RASGEF1A: variants seen among roughly 807,000 people sequenced by gnomAD.
RASGEF1A encodes RasGEF domain family member 1A, also known as ras-GEF domain-containing family member 1A.
Under a neutral mutation model 56.4 loss-of-function variants are expected in RASGEF1A, and 18 were observed. The observed-to-expected ratio is 0.32, with a 90% confidence interval of 0.22 to 0.47. The LOEUF (loss-of-function observed/expected upper bound fraction) is 0.47. RASGEF1A is among the 20% of genes least tolerant of loss of function. RASGEF1A has a pLI of 1.00. For missense variants in RASGEF1A, 422 were observed against 627.1 expected, an observed-to-expected ratio of 0.67 and a Z score of 3.49; for synonymous variants, 245 against 242.6, an observed-to-expected ratio of 1.01 and a Z score of -0.09.
intron 1 of RASGEF1A, among the ~76,000 whole-genome samples, chr10:43,262,559 G>C (rs1836549340): frequency 6.6e-6 from 1 of 152,250 alleles, no homozygotes; most frequent in Non-Finnish European, 1.5e-5. Flanking sequence ...GCACTTCCAT[G>C]CACCTCCCAC....
chr10:43,250,501 T>C (rs966923482), intron 1 of RASGEF1A, among the ~76,000 whole-genome samples: 6 of 152,212 alleles, frequency 3.9e-5, no homozygotes, highest in African/African-American at 1.4e-4. Flanking sequence ...TAGAAACAGA[T>C]TCCTGGGCTC....
At chr10:43,235,123 G>A (rs965449698) in intron 1 of RASGEF1A, among the ~76,000 whole-genome samples, 11 of 152,356 alleles carry the variant, frequency 7.2e-5, no homozygotes, top group Admixed American at 3.3e-4. Context: ...CCCTTTTGGA[G>A]AATAATATTC....
At position 43,196,283 on chromosome 10, in the gene RASGEF1A, G is replaced by A. The variant is rs367800733; in HGVS notation, c.1422-15C>T. ...GAAGGGTGGTCCTAGAGGGGGACAG[G>A]ACAAGCAGTGCTCAGGCCCGAGCAG... On this transcript the variant is annotated splice_polypyrimidine_tract_variant and intron_variant, in intron 12 of 12. Coordinates refer to ENST00000395810, the MANE Select transcript of RASGEF1A (RefSeq NM_145313.4). This position sits in a 1 kb window ranked among gnomAD's most constrained non-coding sequence, Gnocchi z 4.6. 6.2e-7 allele frequency: 1 copy of A among 1,613,354 alleles called. No individual in the cohort carries two copies. Among genetic ancestry groups the A allele is most frequent in the African/African-American group, 1.3e-5 (1 of 75,012 alleles).
chr10:43,238,141 G>A (rs1372550241), intron 1 of RASGEF1A, among the ~76,000 whole-genome samples: 1 of 152,048 alleles, frequency 6.6e-6, no homozygotes, highest in Non-Finnish European at 1.5e-5. Context: ...CTTCAGGAGG[G>A]TTTGCCATCA....
At chr10:43,262,121 T>C (rs1009683767) in intron 1 of RASGEF1A, among the ~76,000 whole-genome samples, 8 of 152,042 alleles carry the variant, frequency 5.3e-5, no homozygotes, top group African/African-American at 1.4e-4. Context: ...GAGAGCCCCA[T>C]GGGCAGAGAG....
At chr10:43,197,345 G>T (rs866363257) in intron 10 of RASGEF1A, among the ~76,000 whole-genome samples, 45 of 152,374 alleles carry the variant, frequency 3.0e-4, no homozygotes, top group Middle Eastern at 6.8e-3. Context: ...CGGCAGCAGG[G>T]TCTCTGCCTG....
chr10:43,198,989 C>T lies in RASGEF1A; in HGVS notation c.976G>A (p.Ala326Thr), dbSNP rs1449997258. The change falls in exon 9 of 13, where the codon GCA becomes ACA. Residue 326 changes from alanine (A) to threonine (T), a missense_variant. Transcript: ENST00000395810. The stretch of plus-strand genomic sequence containing the variant: ...TTGGACCAAGTTTTCTTCAGCCTTG[C>T]CACAGGACTGAGGTTCATGCCAGCT... ...IISGMNLSPVARLKKTWSKVK... is the reference protein window; with the variant it reads ...IISGMNLSPVTRLKKTWSKVK... 1 of 1,613,700 alleles carries T rather than the reference C, an allele frequency of 6.2e-7. No homozygotes were observed. Among genetic ancestry groups the T allele is most frequent in the Non-Finnish European group, 8.5e-7 (1 of 1,179,998 alleles).
In RASGEF1A at chr10:43,219,141, G is replaced by A. The variant is rs1840174481; in HGVS notation, c.-6-13019C>T. ...TTTCCCGGCAGGCGCTGGCAGCCTG[G>A]CCTCCCACTCCAGCCGCCTGGGGAG... is the stretch of plus-strand genomic sequence containing the variant. On this transcript the variant is annotated intron_variant, in intron 1 of 12. Coordinates refer to ENST00000395810, the MANE Select transcript of RASGEF1A (RefSeq NM_145313.4). 2.0e-5 allele frequency among the ~76,000 whole-genome samples: 3 copies of A among 152,174 alleles called. No homozygotes were observed. The South Asian group carries it at 6.2e-4, about 31-fold the overall frequency.
chr10:43,232,209 GT>G (rs1273214631), intron 1 of RASGEF1A, among the ~76,000 whole-genome samples: 1 of 152,238 alleles, frequency 6.6e-6, no homozygotes, highest in Non-Finnish European at 1.5e-5. Flanking sequence ...TGGGGGCGGA[GT>G]TCTCATGAAT....
chr10:43,262,301 ACT>A (rs768338500), intron 1 of RASGEF1A, among the ~76,000 whole-genome samples: 2 of 152,026 alleles, frequency 1.3e-5, no homozygotes, highest in Non-Finnish European at 2.9e-5. Context: ...TCCAGGGAGA[ACT>A]CTCTCTTCAA....
chr10:43,206,883 C>A, intron 1 of RASGEF1A: 1 of 985,924 alleles, frequency 1.0e-6, no homozygotes, highest in Non-Finnish European at 1.2e-6. Flanking sequence ...CTGAGTGCCC[C>A]TGAGCTGCAG....
Position 43,196,112 on chromosome 10 carries a change from A to T in RASGEF1A, c.*132T>A. 2.3e-6 allele frequency: 2 copies of T among 854,754 alleles called. No individual in the cohort carries two copies. The highest frequency in any genetic ancestry group is 3.6e-6 in the Non-Finnish European group (2 of 553,622). The allele number at this position is 854,754 out of a possible 1,614,324, so 52.9% of individuals were successfully genotyped here. On this transcript the variant is annotated 3_prime_UTR_variant, in exon 13 of 13. Transcript: ENST00000395810. The surrounding 1 kb of genome is among the most constrained non-coding windows in gnomAD (Gnocchi z 4.6). The stretch of plus-strand genomic sequence containing the variant: ...AAGGTTGATGCGTGAAATAATTACC[A>T]TTTTTTTCTCATAAAAGTTATATAC...
chr10:43,220,420 G>A (rs770628520), intron 1 of RASGEF1A, among the ~76,000 whole-genome samples: 4 of 152,196 alleles, frequency 2.6e-5, no homozygotes, highest in Non-Finnish European at 5.9e-5. Context: ...TTGAGCCCAG[G>A]AGGTAAAGGA....
intron 1 of RASGEF1A, among the ~76,000 whole-genome samples, chr10:43,211,106 G>A (rs1000768851): frequency 6.6e-6 from 1 of 152,192 alleles, no homozygotes; most frequent in Non-Finnish European, 1.5e-5. Context: ...CAGAAGAAAC[G>A]TGCTTATAGC....
intron 1 of RASGEF1A, among the ~76,000 whole-genome samples, chr10:43,241,227 A>C (rs572787141): frequency 3.7e-4 from 56 of 152,344 alleles, no homozygotes; most frequent in Middle Eastern, 3.4e-3. Context: ...TTATGCACTT[A>C]ACTCTATTTT....
rs562926397 is a variant in RASGEF1A at position 43,220,799 on chromosome 10, G to C, written c.-6-14677C>G. Among the ~76,000 whole-genome samples the C allele has an allele frequency of 5.0e-4, 76 of 151,948 alleles. No individual in the cohort carries two copies. The East Asian group carries it at 0.014, about 27-fold the overall frequency. On this transcript the variant is annotated intron_variant, in intron 1 of 12. Coordinates refer to ENST00000395810, the MANE Select transcript of RASGEF1A (RefSeq NM_145313.4). ...GACTCTGTCTTAAAAAAAAAAAAGG[G>C]GGGGGAGTACTTATGACAAGTAACT...
chr10:43,217,283 G>A (rs1043482895), intron 1 of RASGEF1A, among the ~76,000 whole-genome samples: 2 of 152,152 alleles, frequency 1.3e-5, no homozygotes, highest in African/African-American at 4.8e-5. Flanking sequence ...GCAGCCCCCA[G>A]TCCTTCCATC....
chr10:43,229,631 C>T, intron 1 of RASGEF1A: 3 of 1,494,622 alleles, frequency 2.0e-6, no homozygotes, highest in Non-Finnish European at 2.7e-6. Flanking sequence ...CCCGCCGCAG[C>T]CCTACCTGGG....
At chr10:43,241,273 C>T (rs564666496) in intron 1 of RASGEF1A, among the ~76,000 whole-genome samples, 3 of 152,232 alleles carry the variant, frequency 2.0e-5, no homozygotes, top group African/African-American at 4.8e-5. Flanking sequence ...TGGTCTATGA[C>T]CATACTACCC....
Sources: gnomAD v4.1 joint callset for allele counts (sites outside exome capture counted in the v4.1 genomes callset) on GRCh38, gnomAD v4.1.1 for gene constraint, Gnocchi (gnomAD v3.1) non-coding constraint, MANE v1.5 for transcripts, NCBI Gene and HGNC (gene_info 2026-07-23, HGNC 2026-07-21) for gene names.